OPRM1: variants seen among roughly 807,000 people sequenced by gnomAD.
OPRM1 encodes the protein mu-type opioid receptor.
Under a neutral mutation model 31.8 loss-of-function variants are expected in OPRM1, and 27 were observed. The ratio of observed to expected loss-of-function variants is 0.85; its 90% CI spans 0.63 to 1.17. The LOEUF is 1.17. OPRM1 is among the 50% of genes most tolerant of loss of function. The pLI is 0.00. For missense variants in OPRM1, 536 were observed against 511.1 expected, an observed-to-expected ratio of 1.05 and a Z score of -0.47; for synonymous variants, 196 against 189.9, an observed-to-expected ratio of 1.03 and a Z score of -0.26.
chr6:154,038,879 T>G (rs993874105), upstream of OPRM1, among the ~76,000 whole-genome samples: 5 of 152,194 alleles, frequency 3.3e-5, no homozygotes, highest in African/African-American at 1.2e-4. Flanking sequence ...GGAGAAACAT[T>G]ATTACCTTTT....
In OPRM1 at chr6:154,179,476, C is replaced by T. The variant is rs377127511; in HGVS notation, c.1165-67217C>T. Among the ~76,000 whole-genome samples the T allele has an allele frequency of 1.4e-4, 21 of 152,152 alleles. 1 individual carries two copies. In the East Asian group the frequency reaches 3.3e-3, roughly 24 times the overall value. Reference sequence around the variant, plus strand: ...CCGCTTGTCTCTCTCCCATTGGAGACGGGAGCCAAATTAATTATTTCCGCC... The same window carrying T: ...CCGCTTGTCTCTCTCCCATTGGAGATGGGAGCCAAATTAATTATTTCCGCC... On this transcript the variant is annotated intron_variant, in intron 3 of 3. Transcript: ENST00000337049.
At chr6:154,174,447 A>T (rs1450088018) in intron 3 of OPRM1, among the ~76,000 whole-genome samples, 10 of 152,178 alleles carry the variant, frequency 6.6e-5, no homozygotes, top group Admixed American at 5.2e-4. Context: ...AGAGACACAC[A>T]CAGGCTCAAA....
At chr6:154,236,767 G>A (rs1346506010) in intron 3 of OPRM1, among the ~76,000 whole-genome samples, 3 of 152,252 alleles carry the variant, frequency 2.0e-5, no homozygotes, top group Non-Finnish European at 4.4e-5. Context: ...GAGATGGTGG[G>A]TGGTTTGCCT....
At chr6:154,213,348 T>C (rs1360943678) in intron 3 of OPRM1, 1 of 159,688 alleles carries the variant, frequency 6.3e-6, no homozygotes, top group African/African-American at 2.4e-5. Context: ...GGCCATGTCA[T>C]AGAAGGCCTT....
At chr6:154,038,859 G>A (rs1365356424), upstream of OPRM1, among the ~76,000 whole-genome samples, 1 of 152,138 alleles carries the variant, frequency 6.6e-6, no homozygotes, top group Non-Finnish European at 1.5e-5. Flanking sequence ...GGTTTGTAGG[G>A]AAGAAAATTG....
At position 154,152,347 on chromosome 6, in the gene OPRM1, G is replaced by GAAAAGAAAGAAAGAAAGAAA; in HGVS notation, c.1164+60875_1164+60876insAAAAGAAAGAAAGAAAGAAA. Among the ~76,000 whole-genome samples, 136 of 65,204 alleles carry GAAAAGAAAGAAAGAAAGAAA rather than the reference G, an allele frequency of 2.1e-3. 2 individuals are homozygous for GAAAAGAAAGAAAGAAAGAAA. The highest frequency in any genetic ancestry group is 5.7e-3 in the South Asian group (9 of 1,572). The allele number at this position is 65,204 out of a possible 152,430, so 42.8% of individuals were successfully genotyped here. On this transcript the variant is annotated intron_variant, in intron 3 of 3. Coordinates refer to the OPRM1 transcript ENST00000337049. ...AGAAAGAAAGAAAGAAAGAAAGAAA[G>GAAAAGAAAGAAAGAAAGAAA]GAAAGAAAGAAAGAAAGAAAGAAAG...
upstream of OPRM1, among the ~76,000 whole-genome samples, chr6:154,036,961 G>A (rs187146998): frequency 9.2e-5 from 14 of 151,818 alleles, no homozygotes; most frequent in East Asian, 1.2e-3. Flanking sequence ...ACCTTATTAC[G>A]GAGTACAAAG....
intron 3 of OPRM1, among the ~76,000 whole-genome samples, chr6:154,205,038 C>T (rs115884937): frequency 2.8e-4 from 43 of 152,258 alleles, no homozygotes; most frequent in African/African-American, 1.0e-3. Flanking sequence ...ATTGCTTGGA[C>T]CTCCACTGAA....
chr6:154,164,904 A>C (rs1287660958), intron 3 of OPRM1, among the ~76,000 whole-genome samples: 1 of 152,352 alleles, frequency 6.6e-6, no homozygotes, highest in East Asian at 1.9e-4. Flanking sequence ...CTTTTGCTCA[A>C]GTTCAACTTG....
intron 1 of OPRM1, among the ~76,000 whole-genome samples, chr6:154,084,643 A>G (rs1343965744): frequency 6.6e-6 from 1 of 152,132 alleles, no homozygotes. Flanking sequence ...TTTCTCGACT[A>G]AAAAGGTTAA....
At chr6:154,072,243 G>A (rs555600776) in intron 1 of OPRM1, among the ~76,000 whole-genome samples, 42 of 152,260 alleles carry the variant, frequency 2.8e-4, no homozygotes, top group African/African-American at 9.4e-4. Context: ...AAATGTGGCC[G>A]TTAGGATCAA....
intron 3 of OPRM1, among the ~76,000 whole-genome samples, chr6:154,238,114 T>A (rs1421218962): frequency 6.6e-6 from 1 of 152,250 alleles, no homozygotes; most frequent in African/African-American, 2.4e-5. Context: ...GAAATATGTT[T>A]CTATGTATTA....
rs1797766768 is a variant in OPRM1 at position 154,129,432 on chromosome 6, T to C, written c.*10711T>C. Among the ~76,000 whole-genome samples the C allele has an allele frequency of 6.6e-6, 1 of 152,204 alleles. No homozygotes were observed. The highest frequency in any genetic ancestry group is 1.5e-5 in the Non-Finnish European group (1 of 68,046). On this transcript the variant is annotated 3_prime_UTR_variant, in exon 4 of 4. Transcript: ENST00000330432. ...CTGAGCTGCCTGTATTTGGTTTTAC[T>C]TCCTTGTTGTTTTTACTGAATATGA... is the stretch of plus-strand genomic sequence containing the variant.
At chr6:154,246,355 G>A (rs1370183597) in intron 3 of OPRM1, among the ~76,000 whole-genome samples, 1 of 152,102 alleles carries the variant, frequency 6.6e-6, no homozygotes, top group Non-Finnish European at 1.5e-5. Flanking sequence ...TGTAAATGTC[G>A]ACACTCCCTT....
intron 1 of OPRM1, among the ~76,000 whole-genome samples, chr6:154,012,930 T>A (rs1242810324): frequency 6.6e-6 from 1 of 152,064 alleles, no homozygotes; most frequent in African/African-American, 2.4e-5. Flanking sequence ...CATCCCATCA[T>A]AAGAGCTCCA....
At chr6:154,023,580 C>T (rs1052822528) in intron 1 of OPRM1, among the ~76,000 whole-genome samples, 8 of 152,066 alleles carry the variant, frequency 5.3e-5, no homozygotes, top group Non-Finnish European at 7.4e-5. Flanking sequence ...ACTTCCAGTA[C>T]TATGTTAAAT....
intron 1 of OPRM1, among the ~76,000 whole-genome samples, chr6:154,070,463 T>G (rs1197162113): frequency 6.6e-6 from 1 of 152,204 alleles, no homozygotes; most frequent in African/African-American, 2.4e-5. Context: ...ATTTAAGAGG[T>G]GCATCTTGAA....
At chr6:154,066,839 G>A (rs188430793) in intron 1 of OPRM1, among the ~76,000 whole-genome samples, 136 of 152,188 alleles carry the variant, frequency 8.9e-4, no homozygotes, top group Non-Finnish European at 1.4e-3. Context: ...AAACATTTTT[G>A]TTGTTAAAAC....
At chr6:154,228,100 T>C (rs1057176054) in intron 3 of OPRM1, among the ~76,000 whole-genome samples, 1 of 152,164 alleles carries the variant, frequency 6.6e-6, no homozygotes, top group Non-Finnish European at 1.5e-5. Context: ...GATCCCCTGT[T>C]GCCTATTATA....
Sources: allele counts gnomAD v4.1 joint callset (sites outside exome capture counted in the v4.1 genomes callset), GRCh38; gene constraint gnomAD v4.1.1; transcripts MANE v1.5; gene names NCBI Gene and HGNC (gene_info 2026-07-23, HGNC 2026-07-21).